SIPA1L1: variants seen among roughly 807,000 people sequenced by gnomAD.
SIPA1L1 encodes the protein signal-induced proliferation-associated 1-like protein 1.
Under a neutral mutation model 162.7 loss-of-function variants are expected in SIPA1L1, and 26 were observed. That is an observed-to-expected ratio of 0.16 (90% CI 0.12 to 0.22). The LOEUF (loss-of-function observed/expected upper bound fraction) is 0.22. Among genes scored for constraint, SIPA1L1 ranks in the 10% least tolerant of loss-of-function variants. SIPA1L1 has a pLI of 1.00. For synonymous variants in SIPA1L1, 829 were observed against 837.4 expected, an observed-to-expected ratio of 0.99 and a Z score of 0.17; for missense variants, 1,874 against 2,241.0, an observed-to-expected ratio of 0.84 and a Z score of 3.31.
At chr14:71,726,302 A>G (rs1207682111) in intron 19 of SIPA1L1, among the ~76,000 whole-genome samples, 1 of 152,232 alleles carries the variant, frequency 6.6e-6, no homozygotes, top group African/African-American at 2.4e-5. Context: ...CTTGCGAAAG[A>G]CAGTGCTTGA....
intron 2 of SIPA1L1, among the ~76,000 whole-genome samples, chr14:71,507,393 C>T (rs1006160070): frequency 6.6e-6 from 1 of 152,156 alleles, no homozygotes; most frequent in Non-Finnish European, 1.5e-5. Flanking sequence ...GACCTTGATA[C>T]AGCATTTACA....
chr14:71,592,874 C>T (rs1188171643), intron 5 of SIPA1L1, among the ~76,000 whole-genome samples: 1 of 152,174 alleles, frequency 6.6e-6, no homozygotes, highest in Non-Finnish European at 1.5e-5. Flanking sequence ...AAATAAGCAA[C>T]ATGCCATTGA....
At chr14:71,384,551 C>G (rs985053594) in intron 2 of SIPA1L1, among the ~76,000 whole-genome samples, 5 of 152,182 alleles carry the variant, frequency 3.3e-5, no homozygotes. Flanking sequence ...TAGAGAATCT[C>G]TCAAAAGCCT....
At chr14:71,685,070 C>G (rs1448236656) in intron 12 of SIPA1L1, among the ~76,000 whole-genome samples, 2 of 152,146 alleles carry the variant, frequency 1.3e-5, no homozygotes, top group Non-Finnish European at 2.9e-5. Context: ...CTCCTCAGGT[C>G]TCAGTAGTCT....
rs916820022 is a variant in SIPA1L1 at position 71,629,432 on chromosome 14, T to C, written c.1818+5196T>C. On this transcript the variant is annotated intron_variant, in intron 7 of 23. Transcript: ENST00000381232. ...GTCTTGAATCCAGGCACTCAGACTC[T>C]AGAGCCTGCATTCTCAACCAGTACA... is the stretch of plus-strand genomic sequence containing the variant. Among the ~76,000 whole-genome samples the C allele has an allele frequency of 2.6e-5, 4 of 152,220 alleles. No individual in the cohort carries two copies. The South Asian group carries it at 8.3e-4, about 31-fold the overall frequency.
chr14:71,334,540 A>G (rs894056256), intron 2 of SIPA1L1, among the ~76,000 whole-genome samples: 9 of 152,166 alleles, frequency 5.9e-5, no homozygotes, highest in African/African-American at 2.2e-4. Flanking sequence ...GTAGAACCAT[A>G]CTTGAGAGTG....
At chr14:71,638,559 A>G (rs550007281) in intron 7 of SIPA1L1, among the ~76,000 whole-genome samples, 51 of 152,360 alleles carry the variant, frequency 3.3e-4, no homozygotes, top group Admixed American at 9.1e-4. Flanking sequence ...CAAAACTTCT[A>G]TAGCTTGCAT....
At chr14:71,729,958 TG>T in intron 19 of SIPA1L1, 96 bp from the exon 20 acceptor site, 1 of 1,346,278 alleles carries the variant, frequency 7.4e-7, no homozygotes, top group Non-Finnish European at 1.0e-6. Flanking sequence ...GGGGTGTGTC[TG>T]GAGCAGTAAC....
intron 2 of SIPA1L1, among the ~76,000 whole-genome samples, chr14:71,387,621 C>G (rs2040442070): frequency 6.6e-6 from 1 of 152,188 alleles, no homozygotes; most frequent in Non-Finnish European, 1.5e-5. Context: ...AATAAAAAGA[C>G]TTTATGAAAA....
At chr14:71,627,457 A>G (rs776256712) in intron 7 of SIPA1L1, among the ~76,000 whole-genome samples, 24 of 151,964 alleles carry the variant, frequency 1.6e-4, no homozygotes, top group Non-Finnish European at 3.5e-4. Context: ...TTCACTACTT[A>G]GTGATGCCCA....
In SIPA1L1 at chr14:71,329,896, G is replaced by A. The variant is rs1465902458; in HGVS notation, c.-465+8715G>A. Among the ~76,000 whole-genome samples, 3 of 152,240 alleles carry A rather than the reference G, an allele frequency of 2.0e-5. No homozygotes were observed. In the East Asian group the frequency reaches 5.8e-4, roughly 29 times the overall value. On this transcript the variant is annotated intron_variant, in intron 2 of 23. Transcript: ENST00000381232. ...TACTTTTTTGGGGAGAGGCTAGGAG[G>A]AGGAAGGGGTGAAAACAGGTTCTCA...
intron 2 of SIPA1L1, among the ~76,000 whole-genome samples, chr14:71,376,925 G>A (rs534476444): frequency 2.6e-5 from 4 of 152,296 alleles, no homozygotes; most frequent in African/African-American, 9.6e-5. Context: ...AGTCTCCTAT[G>A]TCTACTTCTT....
chr14:71,603,639 A>G (rs962651203), intron 5 of SIPA1L1, among the ~76,000 whole-genome samples: 1 of 151,960 alleles, frequency 6.6e-6, no homozygotes, highest in Non-Finnish European at 1.5e-5. Flanking sequence ...AAAAAGAAAT[A>G]TAGCCGGGCA....
chr14:71,423,658 C>T (rs1034550577), intron 2 of SIPA1L1, among the ~76,000 whole-genome samples: 1 of 152,086 alleles, frequency 6.6e-6, no homozygotes, highest in Non-Finnish European at 1.5e-5. Flanking sequence ...GTATTCTATT[C>T]CATTGGTGTC....
intron 6 of SIPA1L1, among the ~76,000 whole-genome samples, chr14:71,623,159 T>G (rs1452636706): frequency 1.3e-5 from 2 of 152,216 alleles, no homozygotes; most frequent in Non-Finnish European, 2.9e-5. Flanking sequence ...GGTATACTTG[T>G]CCTTCTGAGA....
At chr14:71,543,903 T>C (rs990848677) in intron 4 of SIPA1L1, among the ~76,000 whole-genome samples, 3 of 110,536 alleles carry the variant, frequency 2.7e-5, no homozygotes, top group Admixed American at 8.6e-5. Context: ...TACGTATATG[T>C]GTGTATATAT....
chr14:71,388,621 G>A (rs764629270), intron 2 of SIPA1L1, among the ~76,000 whole-genome samples: 12 of 152,198 alleles, frequency 7.9e-5, no homozygotes, highest in Non-Finnish European at 1.2e-4. Flanking sequence ...CTTAGGATCC[G>A]CATGGATAGA....
At position 71,588,255 on chromosome 14, in the gene SIPA1L1, A is replaced by C; in HGVS notation, c.383A>C (p.Asp128Ala). ...QGSSVSLNSN[D>A]SAMLKSIQNT... ...AGTTCTGTTAGCCTCAATTCCAATGACTCAGCCATGCTGAAAAGCATACAG... is the reference window on the plus strand; with the variant it reads ...AGTTCTGTTAGCCTCAATTCCAATGCCTCAGCCATGCTGAAAAGCATACAG... The change falls in exon 5 of 24, where the codon GAC becomes GCC. Residue 128 changes from aspartate to alanine, a missense_variant. By Grantham distance (126) the Asp-to-Ala change is moderately radical. This residue lies in a region of SIPA1L1 where 685 missense variants were observed against 828.0 expected (regional missense o/e 0.83). Coordinates refer to ENST00000381232, the MANE Select transcript of SIPA1L1 (RefSeq NM_001386936.1). This position sits in a 1 kb window ranked among gnomAD's most constrained non-coding sequence, Gnocchi z 4.3. The C allele has an allele frequency of 1.2e-6, 2 of 1,614,114 alleles. No individual in the cohort carries two copies. Among genetic ancestry groups the C allele is most frequent in the Non-Finnish European group, 1.7e-6 (2 of 1,179,994 alleles).
intron 8 of SIPA1L1, among the ~76,000 whole-genome samples, chr14:71,655,205 A>G (rs905808633): frequency 1.2e-4 from 18 of 152,088 alleles, no homozygotes; most frequent in Admixed American, 1.1e-3. Context: ...CCTGCTTGTA[A>G]GTGAAAACAT....
Sources: gnomAD v4.1 joint callset for allele counts (sites outside exome capture counted in the v4.1 genomes callset) on GRCh38, gnomAD v4.1.1 for gene constraint, gnomAD v4.1.1 regional missense constraint, Gnocchi (gnomAD v3.1) non-coding constraint, MANE v1.5 for transcripts, NCBI Gene and HGNC (gene_info 2026-07-23, HGNC 2026-07-21) for gene names.